Variants in FBXO11 observed in about 807,000 individuals in gnomAD.
FBXO11 encodes F-box protein 11, also known as F-box only protein 11.
FBXO11 carries 13 observed loss-of-function variants against 117.0 expected under a neutral mutation model. The ratio of observed to expected loss-of-function variants is 0.11; its 90% CI spans 0.07 to 0.18. The LOEUF (loss-of-function observed/expected upper bound fraction) is 0.18, where lower values mean the gene tolerates loss of function less well. Ranked by LOEUF, FBXO11 falls within the 10% of genes least tolerant of loss-of-function variation. FBXO11 has a pLI of 1.00. For synonymous variants in FBXO11, 490 were observed against 380.5 expected (o/e 1.29, Z -3.35); for missense variants, 767 against 1,164.4 (o/e 0.66, Z 4.97).
intron 1 of FBXO11, among the ~76,000 whole-genome samples, chr2:47,887,872 C>T (rs766084385): frequency 3.9e-5 from 6 of 151,902 alleles, no homozygotes; most frequent in South Asian, 2.1e-4. Context: ...AACCCATTAG[C>T]GGGCTTGGAG....
At chr2:47,860,039 A>T (rs1249035069) in intron 1 of FBXO11, among the ~76,000 whole-genome samples, 1 of 152,206 alleles carries the variant, frequency 6.6e-6, no homozygotes, top group Non-Finnish European at 1.5e-5. Flanking sequence ...ATAAACCGAT[A>T]AAATAAGCTT....
At position 47,905,703 on chromosome 2, in the gene FBXO11, G is replaced by A. The variant is rs1465687983; in HGVS notation, c.18C>T (p.Ala6=). 3.9e-6 allele frequency: 6 copies of A among 1,523,164 alleles called. No homozygotes were observed. The highest frequency in any genetic ancestry group is 2.7e-5 in the East Asian group (1 of 37,402). 94.4% of individuals were successfully genotyped at this position (1,523,164 alleles called of 1,614,324 possible). The change falls in exon 1 of 23, where the codon GCC becomes GCT. Residue 6 remains alanine (A), a synonymous_variant. Transcript: ENST00000403359. MNSVR[A]ANRRPRRVSR... Reference sequence around the variant, plus strand: ...ACACTCGCCTGGGTCTCCGGTTGGCGGCTCGGACGGAGTTCATTTGCCGGG... The same window carrying A: ...ACACTCGCCTGGGTCTCCGGTTGGCAGCTCGGACGGAGTTCATTTGCCGGG...
chr2:47,809,274 AAAAG>A lies in FBXO11; in HGVS notation c.2447-12_2447-9del, dbSNP rs752742195. The A allele has an allele frequency of 2.9e-4, 430 of 1,491,326 alleles. 2 individuals are homozygous for A. The highest frequency in any genetic ancestry group is 2.7e-3 in the African/African-American group (194 of 71,450). The allele number at this position is 1,491,326 out of a possible 1,614,324, so 92.4% of individuals were successfully genotyped here. On this transcript the variant is annotated splice_polypyrimidine_tract_variant and intron_variant, in intron 20 of 22. Transcript: ENST00000403359. ...TGTTCATTATTTTGTTATCTGTAAT[AAAAG>A]AAAGAATAAGTAAAAATTCAGAGGA... is the stretch of plus-strand genomic sequence containing the variant.
intron 18 of FBXO11, chr2:47,811,275 G>C (rs540770802): frequency 6.6e-6 from 1 of 152,418 alleles, no homozygotes; most frequent in South Asian, 2.1e-4. Flanking sequence ...ACCCAGGCTG[G>C]AGTGCAATGG....
chr2:47,826,536 C>G (rs1671767797), intron 11 of FBXO11, among the ~76,000 whole-genome samples: 1 of 152,166 alleles, frequency 6.6e-6, no homozygotes, highest in Non-Finnish European at 1.5e-5. Flanking sequence ...TATTATGGGA[C>G]AGCAGAATTT....
rs937106798 is a variant in FBXO11 at position 47,807,009 on chromosome 2, C to G, written c.*1109G>C. ...AACCCTTTTAATTCTTATCTACCTTCTACATAATGGTTATTGAATACTCCA... is the reference window on the plus strand; with the variant it reads ...AACCCTTTTAATTCTTATCTACCTTGTACATAATGGTTATTGAATACTCCA... On this transcript the variant is annotated 3_prime_UTR_variant, in exon 23 of 23. Transcript: ENST00000403359. 3.8e-5 allele frequency: 26 copies of G among 680,480 alleles called. No homozygotes were observed. Among genetic ancestry groups the G allele is most frequent in the Non-Finnish European group, 5.4e-5 (21 of 386,446 alleles). The allele number at this position is 680,480 out of a possible 1,614,324, so 42.2% of individuals were successfully genotyped here.
chr2:47,836,145 A>T (rs1672544049), intron 4 of FBXO11, 144 bp from the exon 5 acceptor site: 2 of 514,242 alleles, frequency 3.9e-6, no homozygotes, highest in South Asian at 5.6e-5. Context: ...AAATCACAGG[A>T]TTTTTTTTTT....
chr2:47,810,693 A>C, intron 18 of FBXO11: 1 of 322,932 alleles, frequency 3.1e-6, no homozygotes, highest in South Asian at 7.7e-5. Context: ...TCAGCACTTC[A>C]TCTTCAGAGC....
Position 47,858,958 on chromosome 2 carries a change from G to C in FBXO11, c.233-19189C>G, listed in dbSNP as rs1243924288. 1.3e-5 allele frequency among the ~76,000 whole-genome samples: 2 copies of C among 149,266 alleles called. 1 individual carries two copies. Among genetic ancestry groups the C allele is most frequent in the South Asian group, 4.2e-4 (2 of 4,772 alleles). On this transcript the variant is annotated intron_variant, in intron 1 of 22. Coordinates refer to ENST00000403359, the MANE Select transcript of FBXO11 (RefSeq NM_001190274.2). ...GGAGGCTGAGGCAGGAGAATGGCTT[G>C]AATCCGGGAGGCGGAGGTCGCAGTG...
chr2:47,875,028 T>C (rs939757512), intron 1 of FBXO11, among the ~76,000 whole-genome samples: 1 of 152,200 alleles, frequency 6.6e-6, no homozygotes, highest in African/African-American at 2.4e-5. Flanking sequence ...CAGGATATGA[T>C]CATCTCAAGA....
At chr2:47,850,835 A>T (rs1673804622) in intron 1 of FBXO11, among the ~76,000 whole-genome samples, 1 of 152,172 alleles carries the variant, frequency 6.6e-6, no homozygotes, top group Non-Finnish European at 1.5e-5. Context: ...TTTTGGGAAA[A>T]GGAGTGTAAA....
intron 1 of FBXO11, among the ~76,000 whole-genome samples, chr2:47,892,497 G>C (rs948896147): frequency 1.4e-4 from 22 of 152,250 alleles, no homozygotes; most frequent in African/African-American, 4.8e-4. Context: ...TTCAACTCTA[G>C]ATATATTCAG....
intron 18 of FBXO11, among the ~76,000 whole-genome samples, chr2:47,812,421 C>T (rs1280206553): frequency 6.6e-6 from 1 of 152,152 alleles, no homozygotes; most frequent in African/African-American, 2.4e-5. Context: ...ATTTGACTTG[C>T]GTGAACCATT....
chr2:47,831,335 G>C (rs1359519485), intron 11 of FBXO11, among the ~76,000 whole-genome samples: 1 of 147,740 alleles, frequency 6.8e-6, no homozygotes, highest in East Asian at 2.1e-4. Flanking sequence ...AGAATCGCTT[G>C]AACCAGGAGG....
intron 1 of FBXO11, 71 bp downstream of exon 1, chr2:47,905,402 CCCCGCCCGCCCGCCCG>C (rs545418712): frequency 0.011 from 12,000 of 1,095,224 alleles, 80 homozygotes; most frequent in Non-Finnish European, 0.012. Flanking sequence ...CGCAGGCCGC[CCCCGCCCGCCCGCCCG>C]CCCGCCCGCC....
intron 1 of FBXO11, among the ~76,000 whole-genome samples, chr2:47,891,174 T>C (rs886428328): frequency 6.6e-6 from 1 of 152,164 alleles, no homozygotes; most frequent in Non-Finnish European, 1.5e-5. Context: ...TAACAAATGT[T>C]TAAGTGTACA....
chr2:47,824,212 T>C (rs1671582665), intron 11 of FBXO11, among the ~76,000 whole-genome samples: 1 of 152,190 alleles, frequency 6.6e-6, no homozygotes, highest in Non-Finnish European at 1.5e-5. Context: ...ACAAGTCAGC[T>C]TCTAAAAGTT....
intron 1 of FBXO11, among the ~76,000 whole-genome samples, chr2:47,851,710 TAAAAG>T (rs1186909037): frequency 1.3e-5 from 2 of 152,198 alleles, no homozygotes; most frequent in Non-Finnish European, 2.9e-5. Context: ...GCACACAGTT[TAAAAG>T]AAAACAATTT....
chr2:47,807,149 G>A lies in FBXO11; in HGVS notation c.*969C>T, dbSNP rs2104594972. ...AAAAGCTATGAAACTGTATAGGGCT[G>A]TATATATACTTGTCTCAGCTTAATG... is the stretch of plus-strand genomic sequence containing the variant. On this transcript the variant is annotated 3_prime_UTR_variant, in exon 23 of 23. Coordinates refer to ENST00000403359, the MANE Select transcript of FBXO11 (RefSeq NM_001190274.2). 2 of 343,650 alleles carry A rather than the reference G, an allele frequency of 5.8e-6. No individual in the cohort carries two copies. The highest frequency in any genetic ancestry group is 1.1e-5 in the Non-Finnish European group (2 of 187,866). 21.3% of individuals were successfully genotyped at this position (343,650 alleles called of 1,614,324 possible).
Sources: allele counts gnomAD v4.1 joint callset (sites outside exome capture counted in the v4.1 genomes callset), GRCh38; gene constraint gnomAD v4.1.1; transcripts MANE v1.5; gene names NCBI Gene and HGNC (gene_info 2026-07-23, HGNC 2026-07-21).